SLC5A4: variants seen among roughly 807,000 people sequenced by gnomAD.
SLC5A4 encodes the protein probable glucose sensor protein SLC5A4.
SLC5A4 carries 55 observed loss-of-function variants against 70.3 expected under a neutral mutation model. The observed-to-expected ratio is 0.78, with a 90% CI of 0.63 to 0.98. The LOEUF is 0.98. Among genes scored for constraint, SLC5A4 ranks in the 50% least tolerant of loss-of-function variants. The pLI is 0.00. For missense variants in SLC5A4, 735 were observed against 839.2 expected (o/e 0.88, Z 1.53); for synonymous variants, 268 against 305.7 (o/e 0.88, Z 1.29).
At chr22:32,322,615 A>G in the SLC5A4 span, among the ~76,000 whole-genome samples, 1 of 151,960 alleles carries the variant, frequency 6.6e-6, no homozygotes, top group Admixed American at 6.6e-5. Flanking sequence ...GAAAAAAAAA[A>G]AGAAACAGCC....
chr22:32,305,677 C>T, the SLC5A4 span, among the ~76,000 whole-genome samples: 1 of 130,740 alleles, frequency 7.6e-6, no homozygotes, highest in African/African-American at 3.0e-5. Context: ...GTGAGGGACA[C>T]ACGGTCCCAG....
At chr22:32,330,868 A>G in the SLC5A4 span, among the ~76,000 whole-genome samples, 7 of 58,340 alleles carry the variant, frequency 1.2e-4, 2 homozygotes, top group African/African-American at 1.4e-4. Flanking sequence ...TAGGTGTTGG[A>G]GGGTCTGCTG....
the SLC5A4 span, among the ~76,000 whole-genome samples, chr22:32,324,234 T>C: frequency 2.0e-5 from 3 of 147,818 alleles, no homozygotes; most frequent in African/African-American, 2.5e-5. Flanking sequence ...TATATGTGTA[T>C]ACATATGTAT....
At chr22:32,225,604 C>A in intron 12 of SLC5A4, 51 bp downstream of exon 12, 1 of 1,242,842 alleles carries the variant, frequency 8.0e-7, no homozygotes, top group South Asian at 1.4e-5. Flanking sequence ...GTGAAATAAA[C>A]GATTTTTTTC....
At chr22:32,225,201 A>G (rs189933567) in intron 12 of SLC5A4, among the ~76,000 whole-genome samples, 408 of 152,350 alleles carry the variant, frequency 2.7e-3, no homozygotes, top group African/African-American at 8.9e-3. Flanking sequence ...TCACAATAGT[A>G]ATGAACACAA....
the SLC5A4 span, among the ~76,000 whole-genome samples, chr22:32,315,458 T>C: frequency 6.6e-6 from 1 of 152,048 alleles, no homozygotes; most frequent in Non-Finnish European, 1.5e-5. Flanking sequence ...AATAACTTGA[T>C]GGAAGGGAGA....
chr22:32,232,971 A>T lies in SLC5A4; in HGVS notation c.949T>A (p.Cys317Ser), dbSNP rs1414867872. 1 of 1,614,086 alleles carries T rather than the reference A, an allele frequency of 6.2e-7. No homozygotes were observed. The highest frequency in any genetic ancestry group is 8.5e-7 in the Non-Finnish European group (1 of 1,180,028). ...ATGGGCAGCAGCTTCAGGTAAGCAC[A>T]CATAATGCAAGCGGCCTTCACGTGA... is the stretch of plus-strand genomic sequence containing the variant. ...MSHVKAACIM[C>S]AYLKLLPMFL... Residue 317 changes from cysteine to serine, a missense_variant, in exon 9 of 15, where the codon TGT becomes AGT. Physicochemically the swap from Cys to Ser is moderately radical, Grantham distance 112. Coordinates refer to ENST00000266086, the MANE Select transcript of SLC5A4 (RefSeq NM_014227.3).
chr22:32,297,815 A>T, the SLC5A4 span, among the ~76,000 whole-genome samples: 1 of 109,814 alleles, frequency 9.1e-6, no homozygotes, highest in African/African-American at 3.4e-5. Context: ...CCCTCTACAC[A>T]CTGCTTTGAA....
the SLC5A4 span, among the ~76,000 whole-genome samples, chr22:32,330,728 A>AGGTTGGGGGCTCGTGTGTG: frequency 1.9e-5 from 1 of 52,496 alleles, no homozygotes; most frequent in African/African-American, 8.4e-5. Context: ...TCTGGTGTGT[A>AGGTTGGGGGCTCGTGTGTG]TGTTGGGGGC....
At chr22:32,292,234 ATATATATAATATATACTAGATAT>A in the SLC5A4 span, among the ~76,000 whole-genome samples, 1 of 59,120 alleles carries the variant, frequency 1.7e-5, no homozygotes, top group Non-Finnish European at 2.9e-5. Context: ...TCTATATATT[ATATATATAATATATACTAGATAT>A]TATATATAAT....
Position 32,223,768 on chromosome 22 carries a change from C to T in SLC5A4, c.1665+499G>A, listed in dbSNP as rs1925222376. On this transcript the variant is annotated intron_variant, in intron 13 of 14. Coordinates refer to ENST00000266086, the MANE Select transcript of SLC5A4 (RefSeq NM_014227.3). ...AAAATATAATGTCCATTTTCTAATC[C>T]CTTACTTTTTAATTCACTGGTGCTT... is the stretch of plus-strand genomic sequence containing the variant. Among the ~76,000 whole-genome samples the T allele has an allele frequency of 3.3e-5, 5 of 152,204 alleles. No homozygotes were observed. In the South Asian group the frequency reaches 1.0e-3, roughly 32 times the overall value.
the SLC5A4 span, among the ~76,000 whole-genome samples, chr22:32,275,645 C>A: frequency 6.6e-6 from 1 of 152,112 alleles, no homozygotes; most frequent in Non-Finnish European, 1.5e-5. Context: ...GGTTCCAAGT[C>A]TTTGCTATTG....
At chr22:32,276,313 AG>A in the SLC5A4 span, among the ~76,000 whole-genome samples, 1 of 152,348 alleles carries the variant, frequency 6.6e-6, no homozygotes, top group African/African-American at 2.4e-5. Flanking sequence ...ATGTCATCAC[AG>A]GCTCAGGGAG....
intron 11 of SLC5A4, among the ~76,000 whole-genome samples, chr22:32,226,866 T>G (rs1925429686): frequency 6.6e-6 from 1 of 152,026 alleles, no homozygotes; most frequent in Non-Finnish European, 1.5e-5. Context: ...TGAACCTCAC[T>G]CCTGCTTGTT....
At chr22:32,331,614 G>A in the SLC5A4 span, among the ~76,000 whole-genome samples, 2 of 152,124 alleles carry the variant, frequency 1.3e-5, no homozygotes, top group Admixed American at 1.3e-4. Context: ...AAAGCTATTT[G>A]GTGCCAGCTA....
the SLC5A4 span, among the ~76,000 whole-genome samples, chr22:32,293,323 G>A: frequency 6.6e-6 from 1 of 152,068 alleles, no homozygotes; most frequent in Non-Finnish European, 1.5e-5. Context: ...TTTTAATGAT[G>A]TGGTTTTTTT....
At chr22:32,283,537 A>T in the SLC5A4 span, among the ~76,000 whole-genome samples, 2 of 152,222 alleles carry the variant, frequency 1.3e-5, no homozygotes, top group African/African-American at 4.8e-5. Context: ...TTCCCATGGT[A>T]TATATAGTTC....
the SLC5A4 span, among the ~76,000 whole-genome samples, chr22:32,353,525 G>T: frequency 6.7e-6 from 1 of 149,292 alleles, no homozygotes; most frequent in South Asian, 2.1e-4. Flanking sequence ...GGAGTCCGGG[G>T]AGACGAGGAC....
At chr22:32,218,881 T>C (rs1924886457) in intron 14 of SLC5A4, among the ~76,000 whole-genome samples, 156 bp from the exon 15 acceptor site, 1 of 152,112 alleles carries the variant, frequency 6.6e-6, no homozygotes, top group South Asian at 2.1e-4. Flanking sequence ...TTTAATCATA[T>C]AAAAACAGGC....
Sources: gnomAD v4.1 joint callset for allele counts (sites outside exome capture counted in the v4.1 genomes callset) on GRCh38, gnomAD v4.1.1 for gene constraint, MANE v1.5 for transcripts, NCBI Gene and HGNC (gene_info 2026-07-23, HGNC 2026-07-21) for gene names.